Variants in TTC36 observed in about 807,000 individuals in gnomAD.
TTC36 encodes the protein tetratricopeptide repeat protein 36.
Under a neutral mutation model 17.5 loss-of-function variants are expected in TTC36, and 15 were observed. The ratio of observed to expected loss-of-function variants is 0.86; its 90% CI spans 0.57 to 1.32. The LOEUF (loss-of-function observed/expected upper bound fraction) is 1.32, where lower values mean the gene tolerates loss of function less well. Ranked by LOEUF, TTC36 falls within the 40% of genes most tolerant of loss-of-function variation. The pLI is 0.00. For missense variants in TTC36, 292 were observed against 260.9 expected (o/e 1.12, Z -0.82); for synonymous variants, 112 against 109.8 (o/e 1.02, Z -0.13).
chr11:118,527,885 C>T (rs74764957), intron 1 of TTC36: 3 of 538,664 alleles, frequency 5.6e-6, no homozygotes, highest in East Asian at 9.1e-5. Flanking sequence ...GCTTAACTGC[C>T]AGGTGATGTT....
Position 118,530,927 on chromosome 11 carries a change from C to CCCGGGCGT in TTC36, c.*15_*22dup. On this transcript the variant is annotated 3_prime_UTR_variant, in exon 3 of 3. Transcript: ENST00000302783. The surrounding 1 kb of genome is among the most constrained non-coding windows in gnomAD (Gnocchi z 5.8). ...CGTGACAGCCGCTGAGCGCCGCGGA[C>CCCGGGCGT]CCGGGCGTCCGCGGGCGAGGGGACG... 6.7e-7 allele frequency: 1 copy of CCCGGGCGT among 1,485,888 alleles called. No individual in the cohort carries two copies. The highest frequency in any genetic ancestry group is 1.5e-5 in the African/African-American group (1 of 67,842). The allele number at this position is 1,485,888 out of a possible 1,614,324, so 92.0% of individuals were successfully genotyped here.
In TTC36 at chr11:118,528,592, C is replaced by T. The variant is rs782484338; in HGVS notation, c.119-11C>T. The T allele has an allele frequency of 2.0e-5, 31 of 1,551,952 alleles. No individual in the cohort carries two copies. In the Middle Eastern group the frequency reaches 2.2e-3, roughly 111 times the overall value. ...CACACCTGGCTTCTCCTGGCTCCTT[C>T]CCTGGCCCAGATGAAGTTTTCCCTC... On this transcript the variant is annotated splice_polypyrimidine_tract_variant and intron_variant, in intron 1 of 2. Coordinates refer to ENST00000302783, the MANE Select transcript of TTC36 (RefSeq NM_001080441.4).
intron 2 of TTC36, among the ~76,000 whole-genome samples, chr11:118,529,841 C>T (rs1478724854): frequency 1.3e-5 from 2 of 152,234 alleles, no homozygotes; most frequent in Admixed American, 6.5e-5. Context: ...CTGAGCGCTT[C>T]TCCGGAGGCT....
At chr11:118,527,943 A>G (rs1555056189) in intron 1 of TTC36, 4 of 474,752 alleles carry the variant, frequency 8.4e-6, no homozygotes, top group Non-Finnish European at 1.7e-5. Context: ...ACCAGAACAG[A>G]AGACTGAAAT....
In TTC36 at chr11:118,530,847, C is replaced by T. The variant is rs1179078706; in HGVS notation, c.501C>T (p.Tyr167=). 1.4e-5 allele frequency: 21 copies of T among 1,511,390 alleles called. No homozygotes were observed. Among genetic ancestry groups the T allele is most frequent in the Non-Finnish European group, 1.8e-5 (20 of 1,137,442 alleles). 93.6% of individuals were successfully genotyped at this position (1,511,390 alleles called of 1,614,324 possible). A position where few individuals can be genotyped will look rare whatever the true frequency, so the allele number is the denominator to read the frequency against. ...GCCAGCTGGTGCTGCTCAACCCCTA[C>T]GCCGCGCTGTGCAACCGCATGCTGG... ...ARRQLVLLNP[Y]AALCNRMLAD... is the part of the protein sequence containing the mutation. Residue 167 remains tyrosine, a synonymous_variant, in exon 3 of 3, where the codon TAC becomes TAT. Coordinates refer to ENST00000302783, the MANE Select transcript of TTC36 (RefSeq NM_001080441.4). The surrounding 1 kb of genome is among the most constrained non-coding windows in gnomAD (Gnocchi z 5.8).
chr11:118,528,527 TC>T (rs1288255117), intron 1 of TTC36, 75 bp from the exon 2 acceptor site: 8 of 1,445,720 alleles, frequency 5.5e-6, no homozygotes, highest in Non-Finnish European at 7.4e-6. Context: ...ATCTCAGAAT[TC>T]CAAAGCCTGA....
At position 118,530,510 on chromosome 11, in the gene TTC36, C is replaced by A; in HGVS notation, c.308-144C>A. On this transcript the variant is annotated intron_variant, in intron 2 of 2. Transcript: ENST00000302783. The surrounding 1 kb of genome is among the most constrained non-coding windows in gnomAD (Gnocchi z 5.8). The stretch of plus-strand genomic sequence containing the variant: ...TGGGAATAACGATCCGTACCTCTAG[C>A]AGGTGCGAGGCGGGTTGTAAATGGC... 1 of 880,964 alleles carries A rather than the reference C, an allele frequency of 1.1e-6. No homozygotes were observed. Among genetic ancestry groups the A allele is most frequent in the Non-Finnish European group, 1.6e-6 (1 of 638,944 alleles). 54.6% of individuals were successfully genotyped at this position (880,964 alleles called of 1,614,324 possible). A position where few individuals can be genotyped will look rare whatever the true frequency, so the allele number is the denominator to read the frequency against.
In TTC36 at chr11:118,530,640, C is replaced by T; in HGVS notation, c.308-14C>T. On this transcript the variant is annotated splice_polypyrimidine_tract_variant and intron_variant, in intron 2 of 2. Transcript: ENST00000302783. This position sits in a 1 kb window ranked among gnomAD's most constrained non-coding sequence, Gnocchi z 5.8. Reference sequence around the variant, plus strand: ...CCGCTGACCCCCGCCCCGCCCGTCTCGTCGGTCCCGCAGGCGCCCTGGAGG... The same window carrying T: ...CCGCTGACCCCCGCCCCGCCCGTCTTGTCGGTCCCGCAGGCGCCCTGGAGG... 2 of 1,426,226 alleles carry T rather than the reference C, an allele frequency of 1.4e-6. No homozygotes were observed. The highest frequency in any genetic ancestry group is 1.8e-6 in the Non-Finnish European group (2 of 1,100,386). 88.3% of individuals were successfully genotyped at this position (1,426,226 alleles called of 1,614,324 possible).
chr11:118,530,482 T>G lies in TTC36; in HGVS notation c.308-172T>G. On this transcript the variant is annotated intron_variant, in intron 2 of 2. Transcript: ENST00000302783. The surrounding 1 kb of genome is among the most constrained non-coding windows in gnomAD (Gnocchi z 5.8). The stretch of plus-strand genomic sequence containing the variant: ...AACTCTTCCACAGTCTTCATCTGTG[T>G]AATGGGAATAACGATCCGTACCTCT... 1 of 696,110 alleles carries G rather than the reference T, an allele frequency of 1.4e-6. No individual in the cohort carries two copies. Among genetic ancestry groups the G allele is most frequent in the Non-Finnish European group, 2.1e-6 (1 of 472,602 alleles). 43.1% of individuals were successfully genotyped at this position (696,110 alleles called of 1,614,324 possible). A position where few individuals can be genotyped will look rare whatever the true frequency, so the allele number is the denominator to read the frequency against.
chr11:118,528,599 C>G lies in TTC36; in HGVS notation c.119-4C>G, dbSNP rs1555056393. ...GGCTTCTCCTGGCTCCTTCCCTGGC[C>G]CAGATGAAGTTTTCCCTCAAGCACA... On this transcript the variant is annotated splice_polypyrimidine_tract_variant and splice_region_variant and intron_variant, in intron 1 of 2. Transcript: ENST00000302783. The G allele has an allele frequency of 6.4e-7, 1 of 1,555,504 alleles. No homozygotes were observed. Among genetic ancestry groups the G allele is most frequent in the South Asian group, 1.2e-5 (1 of 81,866 alleles).
Position 118,530,815 on chromosome 11 carries a change from G to A in TTC36, c.469G>A (p.Ala157Thr). The A allele has an allele frequency of 6.6e-7, 1 of 1,503,782 alleles. No homozygotes were observed. Among genetic ancestry groups the A allele is most frequent in the South Asian group, 1.2e-5 (1 of 80,772 alleles). 93.2% of individuals were successfully genotyped at this position (1,503,782 alleles called of 1,614,324 possible). A position where few individuals can be genotyped will look rare whatever the true frequency, so the allele number is the denominator to read the frequency against. The change falls in exon 3 of 3, where the codon GCG becomes ACG. Residue 157 changes from alanine (A) to threonine (T), a missense_variant. Physicochemically the swap from Ala to Thr is moderately conservative, Grantham distance 58. Coordinates refer to ENST00000302783, the MANE Select transcript of TTC36 (RefSeq NM_001080441.4). This position sits in a 1 kb window ranked among gnomAD's most constrained non-coding sequence, Gnocchi z 5.8. ...GGCGGCACGGCTGGGCAGCCCCTTC[G>A]CGCGGCGCCAGCTGGTGCTGCTCAA... ...ERAARLGSPFARRQLVLLNPY... is the reference protein window; with the variant it reads ...ERAARLGSPFTRRQLVLLNPY...
chr11:118,530,424 G>A lies in TTC36; in HGVS notation c.308-230G>A, dbSNP rs868977511. 8.7e-6 allele frequency: 4 copies of A among 457,982 alleles called. No homozygotes were observed. In the South Asian group the frequency reaches 1.5e-4, roughly 17 times the overall value. The allele number at this position is 457,982 out of a possible 1,614,324, so 28.4% of individuals were successfully genotyped here. On this transcript the variant is annotated intron_variant, in intron 2 of 2. Transcript: ENST00000302783. The surrounding 1 kb of genome is among the most constrained non-coding windows in gnomAD (Gnocchi z 5.8). ...AGGCGAGACCTGGACTTCAGTCCCA[G>A]CTCTGCCACTAAGTGGCTTGGCTGT...
Position 118,530,699 on chromosome 11 carries a change from G to GGGGCC in TTC36, c.355_359dup (p.Arg123ProfsTer58). The stretch of plus-strand genomic sequence containing the variant: ...CGCGCGGTGGAGCTGAGCGGCGGCC[G>GGGGCC]GGGCCGCGCCGCCCGCCAGAGCTTT... On this transcript the variant is annotated frameshift_variant, in exon 3 of 3. Transcript: ENST00000302783. LOFTEE classifies it high-confidence loss of function. This position sits in a 1 kb window ranked among gnomAD's most constrained non-coding sequence, Gnocchi z 5.8. 6.8e-7 allele frequency: 1 copy of GGGGCC among 1,477,416 alleles called. No individual in the cohort carries two copies. The allele number at this position is 1,477,416 out of a possible 1,614,324, so 91.5% of individuals were successfully genotyped here. A position where few individuals can be genotyped will look rare whatever the true frequency, so the allele number is the denominator to read the frequency against.
rs11600045 is a variant in TTC36 at position 118,530,668 on chromosome 11, C to G, written c.322C>G (p.Leu108Val). The part of the protein sequence containing the change: ...QGDVAGALED[L>V]ERAVELSGGR... Reference sequence around the variant, plus strand: ...CGGTCCCGCAGGCGCCCTGGAGGATCTGGAACGCGCGGTGGAGCTGAGCGG... The same window carrying G: ...CGGTCCCGCAGGCGCCCTGGAGGATGTGGAACGCGCGGTGGAGCTGAGCGG... Residue 108 changes from leucine to valine, a missense_variant, in exon 3 of 3, where the codon CTG becomes GTG. Physicochemically the swap from Leu to Val is conservative, Grantham distance 32. Coordinates refer to ENST00000302783, the MANE Select transcript of TTC36 (RefSeq NM_001080441.4). This position sits in a 1 kb window ranked among gnomAD's most constrained non-coding sequence, Gnocchi z 5.8. 2 of 1,471,154 alleles carry G rather than the reference C, an allele frequency of 1.4e-6. No individual in the cohort carries two copies. The highest frequency in any genetic ancestry group is 2.6e-5 in the South Asian group (2 of 77,198). The allele number at this position is 1,471,154 out of a possible 1,614,324, so 91.1% of individuals were successfully genotyped here.
At chr11:118,528,131 G>A (rs1555056254) in intron 1 of TTC36, 1 of 369,584 alleles carries the variant, frequency 2.7e-6, no homozygotes, top group Non-Finnish European at 5.3e-6. Context: ...GAGGAGTAAA[G>A]CCTACACCTT....
In TTC36 at chr11:118,528,799, G is replaced by T. The variant is rs1421582931; in HGVS notation, c.307+8G>T. 4.4e-6 allele frequency: 7 copies of T among 1,599,330 alleles called. No homozygotes were observed. The highest frequency in any genetic ancestry group is 6.0e-6 in the Non-Finnish European group (7 of 1,172,432). On this transcript the variant is annotated splice_region_variant and intron_variant, in intron 2 of 2. Transcript: ENST00000302783. ...TCCAGGGAGACGTGGCAGGTAAGGGGAGATGCCCTGTATCCTCTGCAAAAG... is the reference window on the plus strand; with the variant it reads ...TCCAGGGAGACGTGGCAGGTAAGGGTAGATGCCCTGTATCCTCTGCAAAAG...
Position 118,530,199 on chromosome 11 carries a change from G to T in TTC36, c.308-455G>T, listed in dbSNP as rs1951183432. On this transcript the variant is annotated intron_variant, in intron 2 of 2. Coordinates refer to ENST00000302783, the MANE Select transcript of TTC36 (RefSeq NM_001080441.4). This position sits in a 1 kb window ranked among gnomAD's most constrained non-coding sequence, Gnocchi z 5.8. ...TGTCTTGATTGTACTTGTAAGAAATGATTGTGCGGTTAATATTATTTTTTG... is the reference window on the plus strand; with the variant it reads ...TGTCTTGATTGTACTTGTAAGAAATTATTGTGCGGTTAATATTATTTTTTG... Among the ~76,000 whole-genome samples, 2 of 152,224 alleles carry T rather than the reference G, an allele frequency of 1.3e-5. No individual in the cohort carries two copies. Among genetic ancestry groups the T allele is most frequent in the South Asian group, 4.1e-4 (2 of 4,832 alleles).
intron 1 of TTC36, 72 bp from the exon 2 acceptor site, chr11:118,528,531 A>C: frequency 1.4e-6 from 2 of 1,460,520 alleles, no homozygotes; most frequent in Non-Finnish European, 9.1e-7. Flanking sequence ...CAGAATTCCA[A>C]AGCCTGAGGT....
intron 1 of TTC36, 34 bp from the exon 2 acceptor site, chr11:118,528,569 C>T (rs1951129483): frequency 2.0e-6 from 3 of 1,522,020 alleles, no homozygotes; most frequent in African/African-American, 2.8e-5. Context: ...ACCAACTGCA[C>T]ACCTGGCTTC....
Sources: allele counts gnomAD v4.1 joint callset (sites outside exome capture counted in the v4.1 genomes callset), GRCh38; gene constraint gnomAD v4.1.1; non-coding constraint Gnocchi (gnomAD v3.1); transcripts MANE v1.5; gene names NCBI Gene and HGNC (gene_info 2026-07-23, HGNC 2026-07-21).